Variants in PPIL2 observed in about 807,000 individuals in gnomAD.
The protein encoded by PPIL2 is peptidylprolyl isomerase like 2.
PPIL2 carries 50 observed loss-of-function variants against 75.2 expected under a neutral mutation model. The ratio of observed to expected loss-of-function variants is 0.66; its 90% CI spans 0.53 to 0.84. The LOEUF (loss-of-function observed/expected upper bound fraction) is 0.84. Ranked by LOEUF, PPIL2 falls within the 40% of genes least tolerant of loss-of-function variation. The probability of loss-of-function intolerance (pLI) is 0.00; values close to 1 mark genes in which losing one functional copy is unlikely to be tolerated. For synonymous variants in PPIL2, 245 were observed against 258.8 expected (o/e 0.95, Z 0.51); for missense variants, 590 against 685.0 (o/e 0.86, Z 1.55).
Position 21,666,025 on chromosome 22 carries a change from C to T in PPIL2, c.-75C>T. On this transcript the variant is annotated 5_prime_UTR_variant, in exon 1 of 20. Transcript: ENST00000398831. ...GCGGAACCCGGAAGTGGTCACGGAA[C>T]TCGGCTGCGGCTCCATGGTCTGAGT... 2.6e-6 allele frequency: 4 copies of T among 1,547,902 alleles called. No individual in the cohort carries two copies. The highest frequency in any genetic ancestry group is 1.2e-5 in the South Asian group (1 of 85,988).
At chr22:21,667,393 T>C (rs957498769) in intron 1 of PPIL2, among the ~76,000 whole-genome samples, 1 of 152,008 alleles carries the variant, frequency 6.6e-6, no homozygotes, top group African/African-American at 2.4e-5. Flanking sequence ...TGACCTCAGG[T>C]GATCCACCTG....
In PPIL2 at chr22:21,668,452, C is replaced by T. The variant is rs368390803; in HGVS notation, c.33-1461C>T. Among the ~76,000 whole-genome samples, 161 of 151,084 alleles carry T rather than the reference C, an allele frequency of 1.1e-3. 1 individual carries two copies. Among genetic ancestry groups the T allele is most frequent in the African/African-American group, 3.8e-3 (156 of 41,240 alleles). ...CCATCCTGGCTAACACGGTGAAACC[C>T]CATCTCTACTAAAAATACACAAAAA... On this transcript the variant is annotated intron_variant, in intron 1 of 19. Transcript: ENST00000398831.
At chr22:21,687,867 G>T in intron 13 of PPIL2, 135 bp downstream of exon 13, 2 of 1,077,244 alleles carry the variant, frequency 1.9e-6, no homozygotes, top group East Asian at 4.8e-5. Context: ...GTGATCCTCT[G>T]TTGGGGAACC....
intron 10 of PPIL2, chr22:21,685,794 T>TA (rs1331259200): frequency 1.3e-5 from 5 of 377,896 alleles, no homozygotes; most frequent in Non-Finnish European, 2.1e-5. Flanking sequence ...TCCTCTATGA[T>TA]AAAAAATAAC....
intron 1 of PPIL2, among the ~76,000 whole-genome samples, chr22:21,668,593 C>T (rs1305086175): frequency 2.7e-5 from 4 of 149,542 alleles, no homozygotes; most frequent in African/African-American, 9.8e-5. Flanking sequence ...TGCACAACTG[C>T]ACTCCAGCCT....
At chr22:21,680,595 C>G (rs187138772) in intron 6 of PPIL2, among the ~76,000 whole-genome samples, 1 of 151,076 alleles carries the variant, frequency 6.6e-6, no homozygotes, top group Non-Finnish European at 1.5e-5. Flanking sequence ...TTTGGGAGGC[C>G]GAGGTGGGCA....
rs1344697502 is a variant in PPIL2 at position 21,695,926 on chromosome 22, A to G, written c.*436A>G. On this transcript the variant is annotated 3_prime_UTR_variant, in exon 20 of 20. Coordinates refer to ENST00000398831, the MANE Select transcript of PPIL2 (RefSeq NM_014337.4). ...AGCCTCGACCTCCTGGGCTCAAGCAATCCTCCTGCCTCAGCCTCGCAAGTA... is the reference window on the plus strand; with the variant it reads ...AGCCTCGACCTCCTGGGCTCAAGCAGTCCTCCTGCCTCAGCCTCGCAAGTA... 3.2e-5 allele frequency: 27 copies of G among 848,354 alleles called. No individual in the cohort carries two copies. The highest frequency in any genetic ancestry group is 7.3e-6 in the Non-Finnish European group (5 of 688,448). The allele number at this position is 848,354 out of a possible 1,614,324, so 52.6% of individuals were successfully genotyped here.
Position 21,688,746 on chromosome 22 carries a change from T to G in PPIL2, c.1036T>G (p.Trp346Gly), listed in dbSNP as rs1235570046. 6.2e-7 allele frequency: 1 copy of G among 1,614,060 alleles called. No individual in the cohort carries two copies. Among genetic ancestry groups the G allele is most frequent in the Non-Finnish European group, 8.5e-7 (1 of 1,180,008 alleles). Residue 346 changes from tryptophan (W) to glycine (G), a missense_variant, in exon 15 of 20, where the codon TGG becomes GGG. Physicochemically the swap from Trp to Gly is radical, Grantham distance 184. Transcript: ENST00000398831. ...TGTGTGGESY[W>G]GKPFKDEFRP... ...TTCTCTTCCAGGTGGGGAGTCATACTGGGGGAAGCCCTTCAAAGACGAGTT... is the reference window on the plus strand; with the variant it reads ...TTCTCTTCCAGGTGGGGAGTCATACGGGGGGAAGCCCTTCAAAGACGAGTT...
chr22:21,669,195 C>A, intron 1 of PPIL2: 2 of 189,202 alleles, frequency 1.1e-5, no homozygotes, highest in Non-Finnish European at 2.3e-5. Flanking sequence ...CAGAGTCTCC[C>A]CCGTCCCCCA....
chr22:21,697,293 G>A lies in PPIL2; in HGVS notation c.*1803G>A, dbSNP rs1312877011. 2 of 372,592 alleles carry A rather than the reference G, an allele frequency of 5.4e-6. No homozygotes were observed. The highest frequency in any genetic ancestry group is 9.9e-6 in the Non-Finnish European group (2 of 201,202). The allele number at this position is 372,592 out of a possible 1,614,324, so 23.1% of individuals were successfully genotyped here. ...GTGGGGATGAAGGCCTGACCAGGGA[G>A]GGAGAAGCAGGTTTGGAGAGGACCC... On this transcript the variant is annotated 3_prime_UTR_variant, in exon 20 of 20. Transcript: ENST00000398831.
At chr22:21,687,221 C>T (rs1358134734) in intron 12 of PPIL2, among the ~76,000 whole-genome samples, 1 of 151,934 alleles carries the variant, frequency 6.6e-6, no homozygotes, top group East Asian at 1.9e-4. Context: ...GGCCAAGCCG[C>T]ACCTGCTGCT....
intron 7 of PPIL2, 86 bp from the exon 8 acceptor site, chr22:21,682,351 G>A (rs443192): frequency 0.015 from 16,966 of 1,164,330 alleles, 204 homozygotes; most frequent in Middle Eastern, 0.052. Context: ...TGCCATGGTC[G>A]GGGCCAGCTC....
At chr22:21,686,002 T>G (rs2067343310) in intron 10 of PPIL2, among the ~76,000 whole-genome samples, 1 of 151,694 alleles carries the variant, frequency 6.6e-6, no homozygotes, top group South Asian at 2.1e-4. Flanking sequence ...AGACCTTATC[T>G]CTACAAAAAA....
At chr22:21,667,456 AGCCTCAGTCCTCATTTT>A (rs2066437359) in intron 1 of PPIL2, among the ~76,000 whole-genome samples, 1 of 151,366 alleles carries the variant, frequency 6.6e-6, no homozygotes, top group African/African-American at 2.4e-5. Context: ...GCGTCTGGGC[AGCCTCAGTCCTCATTTT>A]GTTGGGCTTC....
chr22:21,698,552 G>A (rs1461581429), downstream of PPIL2: 1 of 152,344 alleles, frequency 6.6e-6, no homozygotes, highest in Non-Finnish European at 1.5e-5. Flanking sequence ...CCTAGTCCCC[G>A]GGGCATCGGA....
At chr22:21,688,654 C>T (rs1177401503) in intron 14 of PPIL2, 78 bp from the exon 15 acceptor site, 1 of 1,410,874 alleles carries the variant, frequency 7.1e-7, no homozygotes, top group Admixed American at 1.7e-5. Flanking sequence ...CCCTGATGCC[C>T]CTCGGGACTC....
In PPIL2 at chr22:21,695,784, T is replaced by G; in HGVS notation, c.*294T>G. On this transcript the variant is annotated 3_prime_UTR_variant, in exon 20 of 20. Coordinates refer to ENST00000398831, the MANE Select transcript of PPIL2 (RefSeq NM_014337.4). ...CTGGTGCCTCAGGCCTCCCCTCTAGTAGGCAGGCCAGGTTAGTGAGGAAGG... is the reference window on the plus strand; with the variant it reads ...CTGGTGCCTCAGGCCTCCCCTCTAGGAGGCAGGCCAGGTTAGTGAGGAAGG... 1 of 1,237,684 alleles carries G rather than the reference T, an allele frequency of 8.1e-7. No individual in the cohort carries two copies. Among genetic ancestry groups the G allele is most frequent in the Non-Finnish European group, 1.0e-6 (1 of 976,932 alleles). The allele number at this position is 1,237,684 out of a possible 1,614,324, so 76.7% of individuals were successfully genotyped here. A position where few individuals can be genotyped will look rare whatever the true frequency, so the allele number is the denominator to read the frequency against.
At chr22:21,674,412 C>T (rs576908202) in intron 5 of PPIL2, among the ~76,000 whole-genome samples, 35 of 152,326 alleles carry the variant, frequency 2.3e-4, no homozygotes, top group South Asian at 6.2e-4. Context: ...AAATAGAGTC[C>T]CATCTTCCCA....
intron 11 of PPIL2, 65 bp downstream of exon 11, chr22:21,686,623 T>A: frequency 6.8e-7 from 1 of 1,469,528 alleles, no homozygotes; most frequent in Non-Finnish European, 9.5e-7. Context: ...GTGGGTGTGC[T>A]CCCCGACTCC....
Sources: gnomAD v4.1 joint callset for allele counts (sites outside exome capture counted in the v4.1 genomes callset) on GRCh38, gnomAD v4.1.1 for gene constraint, MANE v1.5 for transcripts, NCBI Gene and HGNC (gene_info 2026-07-23, HGNC 2026-07-21) for gene names.